Variants in FNTB observed in about 807,000 individuals in gnomAD.
FNTB encodes the protein protein farnesyltransferase subunit beta.
In FNTB, 27 loss-of-function variants were observed where a neutral mutation model predicts 59.4. That is an observed-to-expected ratio of 0.45 (90% CI 0.34 to 0.63). The LOEUF is 0.63. FNTB is among the 20% of genes least tolerant of loss of function. The pLI is 0.02. For missense variants in FNTB, 449 were observed against 559.6 expected (o/e 0.80, Z 1.99); for synonymous variants, 230 against 220.7 (o/e 1.04, Z -0.37).
intron 4 of FNTB, among the ~76,000 whole-genome samples, chr14:65,018,970 C>T (rs567555534): frequency 3.6e-4 from 55 of 151,844 alleles, no homozygotes; most frequent in Admixed American, 1.6e-3. Context: ...ATTAGCCAAG[C>T]GTGGTGGCGC....
intron 4 of FNTB, among the ~76,000 whole-genome samples, chr14:65,017,870 G>A (rs1442462998): frequency 1.3e-5 from 2 of 152,064 alleles, no homozygotes; most frequent in Admixed American, 1.3e-4. Context: ...CAGGAGAATC[G>A]CTTGAACCTA....
intron 1 of FNTB, among the ~76,000 whole-genome samples, chr14:64,988,820 A>T (rs1203660032): frequency 6.6e-6 from 1 of 152,170 alleles, no homozygotes; most frequent in Non-Finnish European, 1.5e-5. Context: ...AGCACACATT[A>T]TTAGAGTCTA....
In FNTB at chr14:64,991,646, G is replaced by A. The variant is rs994022761; in HGVS notation, c.144+4549G>A. ...GAAGAATATGCTATAGGCAGTCACAGAGTGCTAAATTATAACTGCTTTGCA... is the reference window on the plus strand; with the variant it reads ...GAAGAATATGCTATAGGCAGTCACAAAGTGCTAAATTATAACTGCTTTGCA... On this transcript the variant is annotated intron_variant, in intron 1 of 11. Coordinates refer to ENST00000246166, the MANE Select transcript of FNTB (RefSeq NM_002028.4). This position sits in a 1 kb window ranked among gnomAD's most constrained non-coding sequence, Gnocchi z 4.4. 6.6e-6 allele frequency among the ~76,000 whole-genome samples: 1 copy of A among 152,154 alleles called. No individual in the cohort carries two copies. Among genetic ancestry groups the A allele is most frequent in the African/African-American group, 2.4e-5 (1 of 41,438 alleles).
chr14:64,987,329 A>C, intron 1 of FNTB: 1 of 585,430 alleles, frequency 1.7e-6, no homozygotes, highest in Non-Finnish European at 3.1e-6. Flanking sequence ...AGGAGAGGGC[A>C]GTAGCCGAGT....
intron 7 of FNTB, among the ~76,000 whole-genome samples, chr14:65,037,744 A>ATTTATTT (rs2062239625): frequency 1.7e-5 from 1 of 59,008 alleles, no homozygotes; most frequent in African/African-American, 7.2e-5. Flanking sequence ...TTTATTTATT[A>ATTTATTT]TTTATTTATT....
Position 65,012,424 on chromosome 14 carries a change from T to G in FNTB, c.282+35T>G. The G allele has an allele frequency of 6.2e-7, 1 of 1,613,252 alleles. No homozygotes were observed. On this transcript the variant is annotated intron_variant, in intron 3 of 11. Coordinates refer to ENST00000246166, the MANE Select transcript of FNTB (RefSeq NM_002028.4). This position sits in a 1 kb window ranked among gnomAD's most constrained non-coding sequence, Gnocchi z 5.0. ...TTACCCAGGAACTCTTGCTGTCAAATTATCCACCAAATCCTCCTCCTTTTT... is the reference window on the plus strand; with the variant it reads ...TTACCCAGGAACTCTTGCTGTCAAAGTATCCACCAAATCCTCCTCCTTTTT...
intron 7 of FNTB, among the ~76,000 whole-genome samples, chr14:65,036,122 G>A (rs866127342): frequency 5.9e-5 from 9 of 151,382 alleles, no homozygotes; most frequent in South Asian, 2.1e-4. Flanking sequence ...TGTGAGCCAC[G>A]ATGGCCAGCC....
At chr14:64,989,410 T>C (rs914795637) in intron 1 of FNTB, among the ~76,000 whole-genome samples, 7 of 151,792 alleles carry the variant, frequency 4.6e-5, no homozygotes, top group Non-Finnish European at 1.0e-4. Flanking sequence ...CACGGTACTC[T>C]AGCCTGGGCA....
At position 65,051,943 on chromosome 14, in the gene FNTB, C is replaced by T. The variant is rs562457158; in HGVS notation, c.956-1295C>T. On this transcript the variant is annotated intron_variant, in intron 9 of 11. Transcript: ENST00000246166. ...CTGAGTAGCTGGGACTACAGGCGCC[C>T]ACCACCATGTCCGGCTAATTTTTTT... Among the ~76,000 whole-genome samples, 255 of 151,930 alleles carry T rather than the reference C, an allele frequency of 1.7e-3. 2 individuals carry two copies. Among genetic ancestry groups the T allele is most frequent in the African/African-American group, 5.7e-3 (235 of 41,452 alleles).
intron 9 of FNTB, among the ~76,000 whole-genome samples, chr14:65,049,776 T>C (rs1375337193): frequency 6.6e-6 from 1 of 152,140 alleles, no homozygotes; most frequent in Non-Finnish European, 1.5e-5. Flanking sequence ...GTTTAATAAA[T>C]ATGCTTTTTT....
chr14:65,032,577 A>T lies in FNTB; in HGVS notation c.606-33A>T. The T allele has an allele frequency of 6.2e-7, 1 of 1,609,582 alleles. No homozygotes were observed. Among genetic ancestry groups the T allele is most frequent in the Non-Finnish European group, 8.5e-7 (1 of 1,178,850 alleles). On this transcript the variant is annotated intron_variant, in intron 6 of 11. Transcript: ENST00000246166. This position sits in a 1 kb window ranked among gnomAD's most constrained non-coding sequence, Gnocchi z 5.0. Reference sequence around the variant, plus strand: ...CTGAGCCTCATTAGCTCTTCCGTAGAGCTTAATGTGTTTCCCGTTTCTGTC... The same window carrying T: ...CTGAGCCTCATTAGCTCTTCCGTAGTGCTTAATGTGTTTCCCGTTTCTGTC...
chr14:65,033,080 A>T (rs2062116825), intron 7 of FNTB, among the ~76,000 whole-genome samples: 1 of 152,226 alleles, frequency 6.6e-6, no homozygotes, highest in Admixed American at 6.5e-5. Flanking sequence ...TGTTTATAAG[A>T]GCCAAAAGCT....
chr14:65,017,624 T>G (rs976900537), intron 4 of FNTB, among the ~76,000 whole-genome samples: 2 of 152,092 alleles, frequency 1.3e-5, no homozygotes, highest in African/African-American at 4.8e-5. Context: ...CAATCTAAAT[T>G]AAATATCAAC....
At chr14:65,013,601 G>T (rs969791133) in intron 3 of FNTB, among the ~76,000 whole-genome samples, 2 of 152,218 alleles carry the variant, frequency 1.3e-5, no homozygotes, top group Non-Finnish European at 2.9e-5. Flanking sequence ...CCAGGCTGGA[G>T]TGCAGTGGCA....
rs1392616204 is a variant in FNTB, at chr14:65,007,792, A to G, written c.209+3479A>G. Among the ~76,000 whole-genome samples the G allele has an allele frequency of 2.0e-5, 3 of 152,240 alleles. No individual in the cohort carries two copies. The highest frequency in any genetic ancestry group is 4.8e-5 in the African/African-American group (2 of 41,468). On this transcript the variant is annotated intron_variant, in intron 2 of 11. Transcript: ENST00000246166. This position sits in a 1 kb window ranked among gnomAD's most constrained non-coding sequence, Gnocchi z 4.9. ...ACCTTGGCTTTAATAAGAAACCTGA[A>G]ATGCATAAACTACACAGATACCTCG...
chr14:65,044,226 C>A lies in FNTB; in HGVS notation c.823-85C>A. The A allele has an allele frequency of 6.3e-7, 1 of 1,598,956 alleles. No individual in the cohort carries two copies. The highest frequency in any genetic ancestry group is 2.2e-5 in the East Asian group (1 of 44,596). ...GCCACAAGATGGGAAACCCTCCATC[C>A]CACAGATTGACTCCTGGAGATTCTG... On this transcript the variant is annotated intron_variant, in intron 8 of 11. Transcript: ENST00000246166. The surrounding 1 kb of genome is among the most constrained non-coding windows in gnomAD (Gnocchi z 5.5).
Position 65,022,447 on chromosome 14 carries a change from G to C in FNTB, c.375-5006G>C, listed in dbSNP as rs182750912. 2.6e-5 allele frequency among the ~76,000 whole-genome samples: 4 copies of C among 152,152 alleles called. No individual in the cohort carries two copies. The East Asian group carries it at 7.7e-4, about 29-fold the overall frequency. ...AATTAGTCTCAGTTTTTACCTACTA[G>C]AATGTTTATGTAATTATCCTTTGTA... is the stretch of plus-strand genomic sequence containing the variant. On this transcript the variant is annotated intron_variant, in intron 4 of 11. Coordinates refer to ENST00000246166, the MANE Select transcript of FNTB (RefSeq NM_002028.4).
Position 65,054,769 on chromosome 14 carries a change from C to T in FNTB, c.1182+80C>T. 1 of 1,435,736 alleles carries T rather than the reference C, an allele frequency of 7.0e-7. No homozygotes were observed. Among genetic ancestry groups the T allele is most frequent in the East Asian group, 2.5e-5 (1 of 40,148 alleles). 88.9% of individuals were successfully genotyped at this position (1,435,736 alleles called of 1,614,324 possible). ...AGGCTTTCCAAGTAAGCAGAACTGG[C>T]TCTGCATTTCCTGTGTGGACAGGCG... On this transcript the variant is annotated intron_variant, in intron 11 of 11. Transcript: ENST00000246166. The surrounding 1 kb of genome is among the most constrained non-coding windows in gnomAD (Gnocchi z 4.4).
intron 7 of FNTB, among the ~76,000 whole-genome samples, chr14:65,033,504 A>G (rs368885822): frequency 6.6e-6 from 1 of 152,210 alleles, no homozygotes; most frequent in Non-Finnish European, 1.5e-5. Flanking sequence ...GGTCTTAGAT[A>G]CGTGTATGTT....
Sources: allele counts gnomAD v4.1 joint callset (sites outside exome capture counted in the v4.1 genomes callset), GRCh38; gene constraint gnomAD v4.1.1; non-coding constraint Gnocchi (gnomAD v3.1); transcripts MANE v1.5; gene names NCBI Gene and HGNC (gene_info 2026-07-23, HGNC 2026-07-21).